The following ARHGEF7 variants were observed in gnomAD, a reference collection of about 807,000 sequenced individuals.
ARHGEF7 encodes Rho guanine nucleotide exchange factor 7, also known as PAK-interacting exchange factor beta.
In ARHGEF7, 33 loss-of-function variants were observed where a neutral mutation model predicts 109.8. The ratio of observed to expected loss-of-function variants is 0.30; its 90% CI spans 0.23 to 0.40. The LOEUF is 0.40. ARHGEF7 is among the 10% of genes least tolerant of loss of function. The pLI, the probability that ARHGEF7 is intolerant of heterozygous loss-of-function variation, is 1.00. For synonymous variants in ARHGEF7, 458 were observed against 424.6 expected (o/e 1.08, Z -0.97); for missense variants, 938 against 1,098.5 (o/e 0.85, Z 2.07).
At chr13:111,271,158 CTG>C (rs2092114465) in intron 9 of ARHGEF7, among the ~76,000 whole-genome samples, 1 of 152,216 alleles carries the variant, frequency 6.6e-6, no homozygotes, top group African/African-American at 2.4e-5. Context: ...GCATTGATGT[CTG>C]TGAGTGCCTG....
chr13:111,188,914 T>C (rs2079552829), intron 2 of ARHGEF7, among the ~76,000 whole-genome samples: 1 of 152,250 alleles, frequency 6.6e-6, no homozygotes. Flanking sequence ...ATGGACATGT[T>C]ACCACCTCCT....
chr13:111,286,673 C>T (rs751744354), intron 17 of ARHGEF7, among the ~76,000 whole-genome samples: 1 of 152,170 alleles, frequency 6.6e-6, no homozygotes, highest in Non-Finnish European at 1.5e-5. Context: ...TTGCTGGTCT[C>T]TCTGCTGTTG....
intron 6 of ARHGEF7, among the ~76,000 whole-genome samples, 153 bp downstream of exon 6, chr13:111,233,446 T>C (rs2086380196): frequency 6.6e-6 from 1 of 152,230 alleles, no homozygotes; most frequent in Admixed American, 6.5e-5. Flanking sequence ...AAGGTTTTGG[T>C]CTGTTTCCTT....
In ARHGEF7 at chr13:111,244,041, T is replaced by C. The variant is rs2088320215; in HGVS notation, c.854+75T>C. The C allele has an allele frequency of 2.9e-6, 4 of 1,374,082 alleles. No homozygotes were observed. In the Admixed American group the frequency reaches 8.0e-5, roughly 28 times the overall value. The allele number at this position is 1,374,082 out of a possible 1,614,324, so 85.1% of individuals were successfully genotyped here. A position where few individuals can be genotyped will look rare whatever the true frequency, so the allele number is the denominator to read the frequency against. On this transcript the variant is annotated intron_variant, in intron 7 of 21. Coordinates refer to ENST00000646102, the MANE Select transcript of ARHGEF7 (RefSeq NM_001354046.2). ...GCTGTTCTCTTCTATTTTCAGAGAA[T>C]AGAGGGTTAAATAGTGAAACAAAAT...
chr13:111,273,975 C>T lies in ARHGEF7; in HGVS notation c.1212+23C>T. ...GAGGTACTGCGCTTTCATTCTCTTA[C>T]TTGGAGTCCTTACCAAGGGTTAGTG... On this transcript the variant is annotated intron_variant, in intron 10 of 21. Transcript: ENST00000646102. This position sits in a 1 kb window ranked among gnomAD's most constrained non-coding sequence, Gnocchi z 4.5. The T allele has an allele frequency of 6.2e-7, 1 of 1,611,118 alleles. No individual in the cohort carries two copies. The highest frequency in any genetic ancestry group is 8.5e-7 in the Non-Finnish European group (1 of 1,177,638).
rs575524903 is a variant in ARHGEF7 at position 111,131,181 on chromosome 13, A to T, written c.165+15490A>T. 1.3e-3 allele frequency among the ~76,000 whole-genome samples: 204 copies of T among 152,340 alleles called. 1 individual carries two copies. The highest frequency in any genetic ancestry group is 4.7e-3 in the African/African-American group (196 of 41,588). ...GGTTATGAAACTCCCACGGTTGCCC[A>T]TGGAGAGCTGTGGGAGCCTGGGCTG... On this transcript the variant is annotated intron_variant, in intron 1 of 21. Transcript: ENST00000646102. The surrounding 1 kb of genome is among the most constrained non-coding windows in gnomAD (Gnocchi z 4.4).
chr13:111,283,526 G>A (rs952488387), intron 16 of ARHGEF7, 163 bp downstream of exon 16: 1 of 800,506 alleles, frequency 1.2e-6, no homozygotes, highest in Non-Finnish European at 1.5e-6. Flanking sequence ...CTGCTCTGCT[G>A]CTGAGAGGCC....
In ARHGEF7 at chr13:111,228,404, T is replaced by C. The variant is rs1192501148; in HGVS notation, c.671-4801T>C. 4.6e-5 allele frequency among the ~76,000 whole-genome samples: 7 copies of C among 152,144 alleles called. No homozygotes were observed. The highest frequency in any genetic ancestry group is 8.8e-5 in the Non-Finnish European group (6 of 68,014). On this transcript the variant is annotated intron_variant, in intron 5 of 21. Transcript: ENST00000646102. The surrounding 1 kb of genome is among the most constrained non-coding windows in gnomAD (Gnocchi z 4.6). ...AGCTCCCTTTGCTAACACTGAAGTGTTGGTGAGTGGAGATGACCTCATCTC... is the reference window on the plus strand; with the variant it reads ...AGCTCCCTTTGCTAACACTGAAGTGCTGGTGAGTGGAGATGACCTCATCTC...
At chr13:111,295,361 CG>C (rs774189318) in intron 19 of ARHGEF7, among the ~76,000 whole-genome samples, 3 of 152,150 alleles carry the variant, frequency 2.0e-5, no homozygotes, top group Non-Finnish European at 4.4e-5. Context: ...TTAGATTAGC[CG>C]TGTTCTGGAC....
chr13:111,221,507 A>C (rs868337519), intron 5 of ARHGEF7, among the ~76,000 whole-genome samples: 68 of 63,030 alleles, frequency 1.1e-3, no homozygotes, highest in South Asian at 8.7e-3. Flanking sequence ...ATATATCTAT[A>C]TATATAGATA....
chr13:111,241,347 C>A (rs2087747084), intron 6 of ARHGEF7: 2 of 1,535,754 alleles, frequency 1.3e-6, no homozygotes, highest in Non-Finnish European at 1.7e-6. Context: ...GTAAGTGGCA[C>A]CCCCGGCTGC....
intron 19 of ARHGEF7, chr13:111,293,431 T>C: frequency 1.1e-6 from 1 of 884,876 alleles, no homozygotes. Context: ...TGTGGCTCAC[T>C]TATTTAAAAA....
chr13:111,149,161 G>A lies in ARHGEF7; in HGVS notation c.166-4744G>A, dbSNP rs540475775. On this transcript the variant is annotated intron_variant, in intron 1 of 21. Coordinates refer to ENST00000646102, the MANE Select transcript of ARHGEF7 (RefSeq NM_001354046.2). Reference sequence around the variant, plus strand: ...GCGATGGCTCACGCCTGTAATCCCAGCACTTTGGGAGTCTGAGGCGGGCAG... The same window carrying A: ...GCGATGGCTCACGCCTGTAATCCCAACACTTTGGGAGTCTGAGGCGGGCAG... Among the ~76,000 whole-genome samples the A allele has an allele frequency of 3.9e-5, 6 of 151,972 alleles. No individual in the cohort carries two copies. The East Asian group carries it at 9.7e-4, about 24-fold the overall frequency.
At chr13:111,188,791 T>C (rs925730272) in intron 2 of ARHGEF7, among the ~76,000 whole-genome samples, 4 of 152,238 alleles carry the variant, frequency 2.6e-5, no homozygotes, top group African/African-American at 9.6e-5. Context: ...GTTAAAATGA[T>C]AAAAGTTACT....
intron 2 of ARHGEF7, 101 bp downstream of exon 2, chr13:111,154,092 C>G (rs2185970): frequency 8.5e-7 from 1 of 1,176,218 alleles, no homozygotes; most frequent in African/African-American, 1.6e-5. Context: ...TCCTCCGCGC[C>G]CGGATCCGAC....
At chr13:111,129,067 AGAC>A (rs1272150548) in intron 1 of ARHGEF7, among the ~76,000 whole-genome samples, 2 of 152,238 alleles carry the variant, frequency 1.3e-5, no homozygotes, top group Non-Finnish European at 2.9e-5. Context: ...TTAAAGACAT[AGAC>A]AACTGATTTT....
chr13:111,138,413 G>A (rs1470920119), intron 1 of ARHGEF7, among the ~76,000 whole-genome samples: 2 of 151,536 alleles, frequency 1.3e-5, no homozygotes, highest in African/African-American at 4.9e-5. Flanking sequence ...CCCAGGAGGT[G>A]GAGGTTGCAG....
chr13:111,229,537 C>T (rs1014367705), intron 5 of ARHGEF7, among the ~76,000 whole-genome samples: 5 of 152,106 alleles, frequency 3.3e-5, no homozygotes, highest in Middle Eastern at 3.2e-3. Flanking sequence ...TCATTTTAAA[C>T]GACAGATTAC....
intron 8 of ARHGEF7, among the ~76,000 whole-genome samples, chr13:111,259,066 G>A (rs1483711871): frequency 2.0e-5 from 3 of 152,178 alleles, no homozygotes; most frequent in Non-Finnish European, 4.4e-5. Context: ...AACTGCAGTA[G>A]AATAGTGCAC....
Sources: allele counts gnomAD v4.1 joint callset (sites outside exome capture counted in the v4.1 genomes callset), GRCh38; gene constraint gnomAD v4.1.1; non-coding constraint Gnocchi (gnomAD v3.1); transcripts MANE v1.5; gene names NCBI Gene and HGNC (gene_info 2026-07-23, HGNC 2026-07-21).